The following WDR3 variants were observed in gnomAD, a reference collection of about 807,000 sequenced individuals.
The protein encoded by WDR3 is WD repeat domain 3.
Under a neutral mutation model 123.7 loss-of-function variants are expected in WDR3, and 81 were observed. That is an observed-to-expected ratio of 0.65 (90% confidence interval 0.55 to 0.79). The LOEUF (loss-of-function observed/expected upper bound fraction) is 0.79, where lower values mean the gene tolerates loss of function less well. Ranked by LOEUF, WDR3 falls within the 30% of genes least tolerant of loss-of-function variation. The probability of loss-of-function intolerance (pLI) is 0.00; values close to 1 mark genes in which losing one functional copy is unlikely to be tolerated. For missense variants in WDR3, 1,027 were observed against 1,123.2 expected (o/e 0.91, Z 1.22); for synonymous variants, 390 against 388.8 (o/e 1.00, Z -0.04).
At chr1:117,950,256 T>C in intron 15 of WDR3, 126 bp downstream of exon 15, 1 of 1,157,326 alleles carries the variant, frequency 8.6e-7, no homozygotes, top group Admixed American at 2.4e-5. Flanking sequence ...AATGTGTGTG[T>C]GAATCAAAGC....
At position 117,942,517 on chromosome 1, in the gene WDR3, C is replaced by G; in HGVS notation, c.1070C>G (p.Thr357Ser). 1 of 1,613,782 alleles carries G rather than the reference C, an allele frequency of 6.2e-7. No individual in the cohort carries two copies. The highest frequency in any genetic ancestry group is 2.2e-5 in the East Asian group (1 of 44,836). Residue 357 changes from threonine to serine, a missense_variant, in exon 10 of 27, where the codon ACT becomes AGT. Coordinates refer to ENST00000349139, the MANE Select transcript of WDR3 (RefSeq NM_006784.3). ...CTGCAAGATGAAATCCAGCGGGTGA[C>G]TAATATAAAAACTTCTGCCAAAATC... is the stretch of plus-strand genomic sequence containing the variant. ...MSLQDEIQRV[T>S]NIKTSAKIKS... is the part of the protein sequence containing the mutation.
intron 10 of WDR3, among the ~76,000 whole-genome samples, chr1:117,942,976 G>A (rs777483441): frequency 1.4e-5 from 2 of 147,076 alleles, no homozygotes; most frequent in Non-Finnish European, 3.0e-5. Context: ...TTTTTGAGAT[G>A]GAGTCTTGCT....
In WDR3 at chr1:117,963,047, T is replaced by G. The variant is rs1653311281; in HGVS notation, c.*3600T>G. ...TCTTAAAGGTAGTATCACCATATAT[T>G]CAAGTCCTTTCTCTTTATTTCTGAG... is the stretch of plus-strand genomic sequence containing the variant. On this transcript the variant is annotated 3_prime_UTR_variant, in exon 27 of 27. Transcript: ENST00000349139. 1 of 152,222 alleles carries G rather than the reference T, an allele frequency of 6.6e-6. No homozygotes were observed. Among genetic ancestry groups the G allele is most frequent in the South Asian group, 2.1e-4 (1 of 4,834 alleles). The allele number at this position is 152,222 out of a possible 1,614,324, so 9.4% of individuals were successfully genotyped here.
At position 117,946,022 on chromosome 1, in the gene WDR3, C is replaced by T. The variant is rs1557820801; in HGVS notation, c.1329-64C>T. On this transcript the variant is annotated intron_variant, in intron 11 of 26. Coordinates refer to ENST00000349139, the MANE Select transcript of WDR3 (RefSeq NM_006784.3). ...GTCTAAGTGCATTGAAACCTACACA[C>T]TGACCTCTAAAATGGGGATGCAGAT... 1.1e-5 allele frequency: 15 copies of T among 1,308,190 alleles called. 1 individual carries two copies. The South Asian group carries it at 2.0e-4, about 18-fold the overall frequency. 81.0% of individuals were successfully genotyped at this position (1,308,190 alleles called of 1,614,324 possible).
intron 24 of WDR3, 58 bp from the exon 25 acceptor site, chr1:117,957,010 G>T: frequency 7.1e-7 from 1 of 1,410,876 alleles, no homozygotes; most frequent in South Asian, 1.5e-5. Flanking sequence ...TTTAAAAATT[G>T]ACCATGTTAA....
At chr1:117,954,657 G>T (rs755543208) in intron 23 of WDR3, 30 bp downstream of exon 23, 1 of 1,602,426 alleles carries the variant, frequency 6.2e-7, no homozygotes, top group Non-Finnish European at 8.5e-7. Flanking sequence ...GTTTTCCTTT[G>T]TTTATTAAAA....
At chr1:117,934,706 C>T (rs746754117) in intron 3 of WDR3, 24 bp downstream of exon 3, 1 of 1,611,036 alleles carries the variant, frequency 6.2e-7, no homozygotes, top group Non-Finnish European at 8.5e-7. Context: ...TCAGCCCAGG[C>T]TTTGATCTAT....
chr1:117,950,233 G>A (rs773858525), intron 15 of WDR3, 103 bp downstream of exon 15: 1 of 1,342,820 alleles, frequency 7.4e-7, no homozygotes. Context: ...CCCAGCGATA[G>A]TACATTTCTA....
intron 2 of WDR3, 68 bp from the exon 3 acceptor site, chr1:117,934,405 A>G (rs1475863743): frequency 6.7e-7 from 1 of 1,482,994 alleles, no homozygotes; most frequent in Non-Finnish European, 9.3e-7. Flanking sequence ...GTGCCTGAGT[A>G]TTCCTATGCT....
chr1:117,957,292 G>A, intron 25 of WDR3, 96 bp downstream of exon 25: 1 of 1,425,362 alleles, frequency 7.0e-7, no homozygotes. Context: ...TTAAGAAATA[G>A]TATGCCGAAC....
chr1:117,965,931 T>A lies in WDR3; in HGVS notation c.*6484T>A, dbSNP rs1051122998. On this transcript the variant is annotated 3_prime_UTR_variant, in exon 27 of 27. Coordinates refer to ENST00000349139, the MANE Select transcript of WDR3 (RefSeq NM_006784.3). The stretch of plus-strand genomic sequence containing the variant: ...ACCTGGAGCTTTCCTGTTGCCATGG[T>A]TTTGTTCATTATTTTTACTTAAAGT... 1 of 152,202 alleles carries A rather than the reference T, an allele frequency of 6.6e-6. No homozygotes were observed. The highest frequency in any genetic ancestry group is 2.4e-5 in the African/African-American group (1 of 41,446). 9.4% of individuals were successfully genotyped at this position (152,202 alleles called of 1,614,324 possible).
At chr1:117,934,447 A>G (rs1206814617) in intron 2 of WDR3, 26 bp from the exon 3 acceptor site, 2 of 1,610,452 alleles carry the variant, frequency 1.2e-6, no homozygotes, top group Non-Finnish European at 1.7e-6. Context: ...ACTCTTCTAC[A>G]TTGTTTTTAA....
chr1:117,954,927 A>C (rs1651951058), intron 23 of WDR3, among the ~76,000 whole-genome samples: 1 of 152,128 alleles, frequency 6.6e-6, no homozygotes, highest in African/African-American at 2.4e-5. Flanking sequence ...TTAACTTTTG[A>C]ATCAGCCTTC....
chr1:117,953,271 G>C (rs1392424693), intron 20 of WDR3, among the ~76,000 whole-genome samples: 1 of 152,064 alleles, frequency 6.6e-6, no homozygotes, highest in African/African-American at 2.4e-5. Flanking sequence ...ATAAAAATTA[G>C]AAAATTTGGA....
intron 12 of WDR3, among the ~76,000 whole-genome samples, chr1:117,946,981 C>G (rs1651427963): frequency 6.7e-6 from 1 of 150,282 alleles, no homozygotes; most frequent in African/African-American, 2.4e-5. Flanking sequence ...TGGAGCAAGT[C>G]ACATAACTGC....
At chr1:117,953,154 C>T (rs1195221547) in intron 20 of WDR3, among the ~76,000 whole-genome samples, 158 bp downstream of exon 20, 1 of 152,134 alleles carries the variant, frequency 6.6e-6, no homozygotes, top group Non-Finnish European at 1.5e-5. Flanking sequence ...TTCTCTTCAA[C>T]TGTATATCCT....
Position 117,941,779 on chromosome 1 carries a change from T to C in WDR3, c.921T>C (p.Cys307=). 1 of 1,611,578 alleles carries C rather than the reference T, an allele frequency of 6.2e-7. No homozygotes were observed. The change falls in exon 9 of 27, where the codon TGT becomes TGC. Residue 307 remains cysteine, a synonymous_variant. Coordinates refer to ENST00000349139, the MANE Select transcript of WDR3 (RefSeq NM_006784.3). The part of the protein sequence containing the change: ...HGTDSVLELF[C]ILSKKEIQKK... Reference sequence around the variant, plus strand: ...CTGACTCTGTGCTAGAATTGTTTTGTATCCTTTCCAAAAAGGAAATTCAGA... The same window carrying C: ...CTGACTCTGTGCTAGAATTGTTTTGCATCCTTTCCAAAAAGGAAATTCAGA...
rs1197881269 is a variant in WDR3 at position 117,943,688 on chromosome 1, A to G, written c.1328+62A>G. 2.0e-5 allele frequency: 30 copies of G among 1,468,810 alleles called. No individual in the cohort carries two copies. In the Admixed American group the frequency reaches 4.5e-4, roughly 22 times the overall value. 91.0% of individuals were successfully genotyped at this position (1,468,810 alleles called of 1,614,324 possible). A position where few individuals can be genotyped will look rare whatever the true frequency, so the allele number is the denominator to read the frequency against. Reference sequence around the variant, plus strand: ...AGTATTTCTTTTAATTTTTTTTGGTACTCTTAAGGGTTAGTTATTAACTCC... The same window carrying G: ...AGTATTTCTTTTAATTTTTTTTGGTGCTCTTAAGGGTTAGTTATTAACTCC... On this transcript the variant is annotated intron_variant, in intron 11 of 26. Coordinates refer to ENST00000349139, the MANE Select transcript of WDR3 (RefSeq NM_006784.3).
intron 1 of WDR3, among the ~76,000 whole-genome samples, chr1:117,932,271 G>A (rs538989396): frequency 6.6e-6 from 1 of 152,272 alleles, no homozygotes; most frequent in East Asian, 1.9e-4. Flanking sequence ...AAGGGTAAGT[G>A]GCTGCTCTGA....
Sources: allele counts gnomAD v4.1 joint callset (sites outside exome capture counted in the v4.1 genomes callset), GRCh38; gene constraint gnomAD v4.1.1; transcripts MANE v1.5; gene names NCBI Gene and HGNC (gene_info 2026-07-23, HGNC 2026-07-21).